SH3GL2: variants seen among roughly 807,000 people sequenced by gnomAD.
SH3GL2 encodes the protein endophilin-A1.
In SH3GL2, 24 loss-of-function variants were observed where a neutral mutation model predicts 46.0. That is an observed-to-expected ratio of 0.52 (90% CI 0.38 to 0.73). The LOEUF (loss-of-function observed/expected upper bound fraction) is 0.73, where lower values mean the gene tolerates loss of function less well. SH3GL2 is among the 30% of genes least tolerant of loss of function. SH3GL2 has a pLI of 0.00. For synonymous variants in SH3GL2, 196 were observed against 147.1 expected (o/e 1.33, Z -2.40); for missense variants, 413 against 424.2 (o/e 0.97, Z 0.23).
At chr9:17,612,283 A>G (rs1777725559) in intron 1 of SH3GL2, among the ~76,000 whole-genome samples, 1 of 152,184 alleles carries the variant, frequency 6.6e-6, no homozygotes, top group Non-Finnish European at 1.5e-5. Context: ...AATTTGTGGT[A>G]GTAGCTCTGG....
At chr9:17,603,634 A>G (rs916722924) in intron 1 of SH3GL2, among the ~76,000 whole-genome samples, 22 of 152,082 alleles carry the variant, frequency 1.4e-4, no homozygotes, top group African/African-American at 4.8e-4. Context: ...GTCAAAGCCC[A>G]TGGGTCACCT....
At chr9:17,622,505 A>T (rs76556576) in intron 1 of SH3GL2, among the ~76,000 whole-genome samples, 1 of 152,094 alleles carries the variant, frequency 6.6e-6, no homozygotes, top group African/African-American at 2.4e-5. Context: ...AGAACCTCCT[A>T]TTTCCAGATT....
chr9:17,596,860 C>T (rs1818580084), intron 1 of SH3GL2, among the ~76,000 whole-genome samples: 1 of 152,190 alleles, frequency 6.6e-6, no homozygotes, highest in Non-Finnish European at 1.5e-5. Context: ...AAAGAGGACA[C>T]GTCTAGCAAG....
chr9:17,732,727 C>T (rs892017747), intron 1 of SH3GL2, among the ~76,000 whole-genome samples: 2 of 152,184 alleles, frequency 1.3e-5, no homozygotes, highest in African/African-American at 2.4e-5. Context: ...TATTGAAGGA[C>T]AGTAAAACCT....
intron 1 of SH3GL2, among the ~76,000 whole-genome samples, chr9:17,686,708 A>G (rs10963207): frequency 0.27 from 39,305 of 143,180 alleles, 6,375 homozygotes; most frequent in East Asian, 0.51. Flanking sequence ...CAAACACCGC[A>G]TATTCTCACT....
intron 1 of SH3GL2, among the ~76,000 whole-genome samples, chr9:17,742,990 C>T (rs1039397068): frequency 1.3e-5 from 2 of 152,166 alleles, no homozygotes; most frequent in East Asian, 1.9e-4. Context: ...CATCAGATAA[C>T]ATTCAGTACT....
chr9:17,611,720 T>C (rs1396295647), intron 1 of SH3GL2, among the ~76,000 whole-genome samples: 1 of 152,208 alleles, frequency 6.6e-6, no homozygotes, highest in Non-Finnish European at 1.5e-5. Flanking sequence ...GTCTTCTTAC[T>C]CTGGGGGCCT....
intron 3 of SH3GL2, among the ~76,000 whole-genome samples, chr9:17,784,695 C>A (rs1207680422): frequency 1.3e-5 from 2 of 152,080 alleles, no homozygotes; most frequent in Non-Finnish European, 2.9e-5. Flanking sequence ...TGATATTGTT[C>A]CCTTAAAAAT....
At chr9:17,789,070 G>T (rs1446397849) in intron 5 of SH3GL2, among the ~76,000 whole-genome samples, 1 of 152,200 alleles carries the variant, frequency 6.6e-6, no homozygotes, top group Non-Finnish European at 1.5e-5. Context: ...TAGGGCATGT[G>T]CATTCCTTCT....
At chr9:17,756,292 A>G (rs886268561) in intron 2 of SH3GL2, among the ~76,000 whole-genome samples, 17 of 152,094 alleles carry the variant, frequency 1.1e-4, no homozygotes, top group Admixed American at 2.6e-4. Context: ...GTATCTGTAT[A>G]TATTTACAGT....
chr9:17,616,666 T>C (rs1197580494), intron 1 of SH3GL2, among the ~76,000 whole-genome samples: 1 of 152,140 alleles, frequency 6.6e-6, no homozygotes, highest in Non-Finnish European at 1.5e-5. Flanking sequence ...CAAAAAGTAT[T>C]TTCTCCTGTA....
chr9:17,740,983 A>G (rs1822511839), intron 1 of SH3GL2, among the ~76,000 whole-genome samples: 1 of 152,082 alleles, frequency 6.6e-6, no homozygotes, highest in Non-Finnish European at 1.5e-5. Flanking sequence ...TCTTGACTCT[A>G]AATCCAATTT....
intron 3 of SH3GL2, among the ~76,000 whole-genome samples, chr9:17,769,135 C>T (rs1426814927): frequency 6.6e-6 from 1 of 152,170 alleles, no homozygotes; most frequent in Non-Finnish European, 1.5e-5. Context: ...TTGTTTAAAA[C>T]ATCAGCCCTT....
At chr9:17,596,857 A>T (rs1346445786) in intron 1 of SH3GL2, among the ~76,000 whole-genome samples, 2 of 152,196 alleles carry the variant, frequency 1.3e-5, no homozygotes, top group Non-Finnish European at 2.9e-5. Flanking sequence ...CCCAAAGAGG[A>T]CACGTCTAGC....
intron 1 of SH3GL2, among the ~76,000 whole-genome samples, chr9:17,698,972 T>A (rs550110274): frequency 6.6e-6 from 1 of 151,962 alleles, no homozygotes; most frequent in Admixed American, 6.6e-5. Context: ...CTGGCCAACA[T>A]GGTGAAACCC....
chr9:17,779,060 T>C (rs1451084156), intron 3 of SH3GL2, among the ~76,000 whole-genome samples: 1 of 152,074 alleles, frequency 6.6e-6, no homozygotes, highest in Admixed American at 6.6e-5. Flanking sequence ...ATGAGAATCA[T>C]CAGCTTGCCA....
chr9:17,673,904 G>T (rs1404716988), intron 1 of SH3GL2, among the ~76,000 whole-genome samples: 1 of 152,048 alleles, frequency 6.6e-6, no homozygotes, highest in African/African-American at 2.4e-5. Context: ...TCTACCCTAA[G>T]GTCTCCATAG....
At chr9:17,726,382 A>C (rs1822020160) in intron 1 of SH3GL2, among the ~76,000 whole-genome samples, 1 of 152,164 alleles carries the variant, frequency 6.6e-6, no homozygotes, top group Non-Finnish European at 1.5e-5. Flanking sequence ...GTACTCAATA[A>C]ACGTCTGAAT....
intron 3 of SH3GL2, among the ~76,000 whole-genome samples, chr9:17,772,183 C>G (rs1823503973): frequency 6.6e-6 from 1 of 152,016 alleles, no homozygotes; most frequent in African/African-American, 2.4e-5. Context: ...TGCTAAGATG[C>G]TATTTATTAC....
Sources: allele counts gnomAD v4.1 joint callset (sites outside exome capture counted in the v4.1 genomes callset), GRCh38; gene constraint gnomAD v4.1.1; transcripts MANE v1.5; gene names NCBI Gene and HGNC (gene_info 2026-07-23, HGNC 2026-07-21).